TAP2: variants seen among roughly 807,000 people sequenced by gnomAD.
TAP2 encodes the protein antigen peptide transporter 2.
Under a neutral mutation model 74.7 loss-of-function variants are expected in TAP2, and 49 were observed. That is an observed-to-expected ratio of 0.66 (90% CI 0.52 to 0.83). The LOEUF (loss-of-function observed/expected upper bound fraction) is 0.83. Ranked by LOEUF, TAP2 falls within the 40% of genes least tolerant of loss-of-function variation. The pLI is 0.00. For missense variants in TAP2, 739 were observed against 859.0 expected (o/e 0.86, Z 1.75); for synonymous variants, 306 against 368.4 (o/e 0.83, Z 1.94).
At position 32,832,400 on chromosome 6, in the gene TAP2, C is replaced by G. The variant is rs750999800; in HGVS notation, c.1205G>C (p.Gly402Ala). The G allele has an allele frequency of 1.9e-6, 3 of 1,612,982 alleles. No homozygotes were observed. The highest frequency in any genetic ancestry group is 3.3e-5 in the Admixed American group (2 of 60,008). Residue 402 changes from glycine (G) to alanine (A), a missense_variant, in exon 7 of 12, where the codon GGG (glycine) becomes GCG (alanine). By Grantham distance (60) the Gly-to-Ala change is moderately conservative. Coordinates refer to ENST00000374897, the MANE Select transcript of TAP2 (RefSeq NM_001290043.2). This position sits in a 1 kb window ranked among gnomAD's most constrained non-coding sequence, Gnocchi z 5.9. Reference protein sequence around the residue: ...LSCGLQQMQDGELTQGSLLSF... With the variant: ...LSCGLQQMQDAELTQGSLLSF... Reference sequence around the variant, plus strand: ...AAGCAGGCTGCCCTGGGTGAGCTCCCCATCCTGCATCTGCTGCAGCCCACA... The same window carrying G: ...AAGCAGGCTGCCCTGGGTGAGCTCCGCATCCTGCATCTGCTGCAGCCCACA...
At chr6:32,829,786 G>T in intron 10 of TAP2, 144 bp downstream of exon 10, 1 of 1,217,380 alleles carries the variant, frequency 8.2e-7, no homozygotes, top group Non-Finnish European at 1.2e-6. Context: ...AGAATTCAGT[G>T]TGTGGGGAAG....
At chr6:32,825,266 C>T (rs189001221), downstream of TAP2, 343 of 151,992 alleles carry the variant, frequency 2.3e-3, no homozygotes, top group African/African-American at 7.4e-3. Context: ...CAGCAACTCC[C>T]CTTTAAGATT....
chr6:32,836,152 G>A (rs374474549), intron 3 of TAP2, among the ~76,000 whole-genome samples: 5 of 152,090 alleles, frequency 3.3e-5, no homozygotes, highest in African/African-American at 4.8e-5. Flanking sequence ...CCCTCTGTGC[G>A]TCTCCTCCGC....
chr6:32,837,429 AGTATTTTTGT>A, intron 3 of TAP2, 98 bp downstream of exon 3: 1 of 846,442 alleles, frequency 1.2e-6, no homozygotes, highest in Admixed American at 2.0e-5. Flanking sequence ...TTTTAGTTTA[AGTATTTTTGT>A]GTTTTGCGCC....
chr6:32,822,247 G>A (rs753581615), downstream of TAP2: 25 of 1,450,382 alleles, frequency 1.7e-5, no homozygotes, highest in Middle Eastern at 1.7e-4. Context: ...CCACATATTC[G>A]TTCATTTGAA....
rs979087944 is a variant in TAP2 at position 32,829,939 on chromosome 6, T to C, written c.1786A>G (p.Ile596Val). The change falls in exon 10 of 12, where the codon ATA becomes GTA. Residue 596 changes from isoleucine to valine, a missense_variant. By Grantham distance (29) the Ile-to-Val change is conservative. Transcript: ENST00000374897. The part of the protein sequence containing the change: ...DDFIQEMEHG[I>V]YTDVGEKGSQ... The stretch of plus-strand genomic sequence containing the variant: ...AATTTGTAGAAGATACCTGTGTATA[T>C]TCCATGCTCCATTTCCTGGATGAAG... 1 of 1,613,108 alleles carries C rather than the reference T, an allele frequency of 6.2e-7. No individual in the cohort carries two copies. Among genetic ancestry groups the C allele is most frequent in the Non-Finnish European group, 8.5e-7 (1 of 1,180,028 alleles).
chr6:32,830,899 C>T (rs1348367196), intron 7 of TAP2, 93 bp from the exon 8 acceptor site: 4 of 1,067,766 alleles, frequency 3.7e-6, no homozygotes, highest in Non-Finnish European at 5.6e-6. Flanking sequence ...CACAACTGCA[C>T]TGCTCCTCCT....
chr6:32,834,770 A>G (rs1304524013), intron 5 of TAP2, among the ~76,000 whole-genome samples: 1 of 152,088 alleles, frequency 6.6e-6, no homozygotes, highest in Non-Finnish European at 1.5e-5. Flanking sequence ...TGCTGATTTT[A>G]AAGGGAAAAT....
At position 32,828,675 on chromosome 6, in the gene TAP2, G is replaced by GCCTCCACCCCCCCCCCCCCC; in HGVS notation, c.*230_*231insGGGGGGGGGGGGGGTGGAGG. On this transcript the variant is annotated 3_prime_UTR_variant, in exon 12 of 12. Coordinates refer to ENST00000374897, the MANE Select transcript of TAP2 (RefSeq NM_001290043.2). ...GAATTAAGTTTCCTGGACACAGACA[G>GCCTCCACCCCCCCCCCCCCC]CCCCCACCCCACCCCACCCCACCTC... 2.3e-6 allele frequency: 2 copies of GCCTCCACCCCCCCCCCCCCC among 884,284 alleles called. No homozygotes were observed. Among genetic ancestry groups the GCCTCCACCCCCCCCCCCCCC allele is most frequent in the Non-Finnish European group, 2.7e-6 (2 of 735,244 alleles). The allele number at this position is 884,284 out of a possible 1,614,324, so 54.8% of individuals were successfully genotyped here. A position where few individuals can be genotyped will look rare whatever the true frequency, so the allele number is the denominator to read the frequency against.
Position 32,829,438 on chromosome 6 carries a change from C to T in TAP2, c.1894G>A (p.Glu632Lys). The change falls in exon 11 of 12, where the codon GAG becomes AAG. Residue 632 changes from glutamate (E) to lysine (K), a missense_variant. Transcript: ENST00000374897. ...VRDPRVLILD[E>K]ATSALDVQCE... ...TGCACATCTAGGGCACTAGTAGCCT[C>T]ATCCAGGATGAGGACCCGCGGGTCT... is the stretch of plus-strand genomic sequence containing the variant. 1 of 1,611,018 alleles carries T rather than the reference C, an allele frequency of 6.2e-7. No individual in the cohort carries two copies. Among genetic ancestry groups the T allele is most frequent in the Non-Finnish European group, 8.5e-7 (1 of 1,178,624 alleles).
downstream of TAP2, chr6:32,822,236 TC>T: frequency 7.3e-7 from 1 of 1,375,498 alleles, no homozygotes; most frequent in South Asian, 1.3e-5. Context: ...GATGCTTTGT[TC>T]CACATATTCG....
intron 1 of TAP2, 113 bp from the exon 2 acceptor site, chr6:32,838,350 A>G: frequency 2.2e-6 from 3 of 1,388,874 alleles, no homozygotes; most frequent in South Asian, 1.6e-5. Flanking sequence ...ATTTTATCCT[A>G]TTCAACCCTG....
Position 32,827,611 on chromosome 6 carries a change from C to T in TAP2, c.*1295G>A, listed in dbSNP as rs775524266. The T allele has an allele frequency of 1.9e-5, 11 of 566,312 alleles. No homozygotes were observed. Among genetic ancestry groups the T allele is most frequent in the Non-Finnish European group, 2.5e-5 (11 of 448,592 alleles). The allele number at this position is 566,312 out of a possible 1,614,324, so 35.1% of individuals were successfully genotyped here. A position where few individuals can be genotyped will look rare whatever the true frequency, so the allele number is the denominator to read the frequency against. On this transcript the variant is annotated 3_prime_UTR_variant, in exon 12 of 12. Transcript: ENST00000374897. ...AAGTCTTGAACTTGAAAATCAGGGG[C>T]GAGTCGAGCAGAAAATGGGCAAGAA...
chr6:32,835,399 T>A lies in TAP2; in HGVS notation c.740-40A>T. 5.0e-6 allele frequency: 8 copies of A among 1,607,272 alleles called. No individual in the cohort carries two copies. The highest frequency in any genetic ancestry group is 6.8e-6 in the Non-Finnish European group (8 of 1,175,118). ...GCAGGTGAGGAAAAAGGAAACCATG[T>A]GTACTGCAGGGCCCCCAGAAACTCC... is the stretch of plus-strand genomic sequence containing the variant. On this transcript the variant is annotated intron_variant, in intron 4 of 11. Coordinates refer to ENST00000374897, the MANE Select transcript of TAP2 (RefSeq NM_001290043.2). This position sits in a 1 kb window ranked among gnomAD's most constrained non-coding sequence, Gnocchi z 4.0.
chr6:32,838,348 CT>C, intron 1 of TAP2, 111 bp from the exon 2 acceptor site: 1 of 1,391,852 alleles, frequency 7.2e-7, no homozygotes, highest in Non-Finnish European at 9.4e-7. Context: ...TCATTTTATC[CT>C]ATTCAACCCT....
chr6:32,828,679 C>CTCCCCACCA lies in TAP2; in HGVS notation c.*226_*227insTGGTGGGGA. 2.1e-6 allele frequency: 2 copies of CTCCCCACCA among 948,140 alleles called. No homozygotes were observed. The highest frequency in any genetic ancestry group is 1.3e-6 in the Non-Finnish European group (1 of 788,692). The allele number at this position is 948,140 out of a possible 1,614,324, so 58.7% of individuals were successfully genotyped here. On this transcript the variant is annotated 3_prime_UTR_variant, in exon 12 of 12. Transcript: ENST00000374897. ...TAAGTTTCCTGGACACAGACAGCCC[C>CTCCCCACCA]CACCCCACCCCACCCCACCTCTCTA...
rs1562322863 is a variant in TAP2, at chr6:32,828,819, A to T, written c.*87T>A. The T allele has an allele frequency of 1.3e-6, 2 of 1,484,244 alleles. No homozygotes were observed. Among genetic ancestry groups the T allele is most frequent in the Admixed American group, 2.1e-5 (1 of 47,306 alleles). The allele number at this position is 1,484,244 out of a possible 1,614,324, so 91.9% of individuals were successfully genotyped here. A position where few individuals can be genotyped will look rare whatever the true frequency, so the allele number is the denominator to read the frequency against. On this transcript the variant is annotated 3_prime_UTR_variant, in exon 12 of 12. Transcript: ENST00000374897. ...GCAGGAACAGCTCTGGGTCCTGGAGACGCCCCTGAGAAGAGGGCCCAGTAT... is the reference window on the plus strand; with the variant it reads ...GCAGGAACAGCTCTGGGTCCTGGAGTCGCCCCTGAGAAGAGGGCCCAGTAT...
chr6:32,830,386 C>T lies in TAP2; in HGVS notation c.1516G>A (p.Gly506Arg). 6.2e-7 allele frequency: 1 copy of T among 1,612,936 alleles called. No individual in the cohort carries two copies. The highest frequency in any genetic ancestry group is 8.5e-7 in the Non-Finnish European group (1 of 1,180,024). Reference sequence around the variant, plus strand: ...GCAGCCACTGTGCTCTTCCCAGACCCATTGGGTCCCACCAGCGCCGTCACC... The same window carrying T: ...GCAGCCACTGTGCTCTTCCCAGACCTATTGGGTCCCACCAGCGCCGTCACC... Reference protein sequence around the residue: ...GEVTALVGPNGSGKSTVAALL... With the variant: ...GEVTALVGPNRSGKSTVAALL... Residue 506 changes from glycine to arginine, a missense_variant, in exon 9 of 12, where the codon GGG becomes AGG. Coordinates refer to ENST00000374897, the MANE Select transcript of TAP2 (RefSeq NM_001290043.2).
Position 32,837,643 on chromosome 6 carries a change from A to G in TAP2, c.502T>C (p.Leu168=). 6.2e-7 allele frequency: 1 copy of G among 1,614,154 alleles called. No individual in the cohort carries two copies. ...FLVLAVLGET[L]IPHYSGRVID... ...ACACGACCAGAATAGTGAGGGATTA[A>G]TGTCTCACCTGAAAGAGGCATGAAA... Residue 168 remains leucine, a synonymous_variant, in exon 3 of 12, where the codon TTA becomes CTA. Coordinates refer to ENST00000374897, the MANE Select transcript of TAP2 (RefSeq NM_001290043.2).
Sources: gnomAD v4.1 joint callset for allele counts (sites outside exome capture counted in the v4.1 genomes callset) on GRCh38, gnomAD v4.1.1 for gene constraint, Gnocchi (gnomAD v3.1) non-coding constraint, MANE v1.5 for transcripts, NCBI Gene and HGNC (gene_info 2026-07-23, HGNC 2026-07-21) for gene names.